Variants in NLRC3 observed in about 807,000 individuals in gnomAD.
NLRC3 encodes the protein NLR family CARD domain-containing protein 3.
In NLRC3, 87 loss-of-function variants were observed where a neutral mutation model predicts 91.6. The ratio of observed to expected loss-of-function variants is 0.95; its 90% CI spans 0.80 to 1.14. The LOEUF (loss-of-function observed/expected upper bound fraction) is 1.14, where lower values mean the gene tolerates loss of function less well. Among genes scored for constraint, NLRC3 ranks in the 50% most tolerant of loss-of-function variants. The pLI is 0.00. For synonymous variants in NLRC3, 694 were observed against 625.3 expected, an observed-to-expected ratio of 1.11 and a Z score of -1.64; for missense variants, 1,577 against 1,418.6, an observed-to-expected ratio of 1.11 and a Z score of -1.79.
Position 3,563,006 on chromosome 16 carries a change from C to T in NLRC3, c.1928+3G>A, listed in dbSNP as rs1350520124. ...AGCCCCTGCCCCCTGCCCTGGTATC[C>T]ACCTGAGCTTCCGGCAGTAGAGCAG... On this transcript the variant is annotated splice_donor_region_variant and intron_variant, in intron 5 of 19. Coordinates refer to ENST00000359128, the MANE Select transcript of NLRC3 (RefSeq NM_178844.4). 1.9e-6 allele frequency: 3 copies of T among 1,550,646 alleles called. No individual in the cohort carries two copies. Among genetic ancestry groups the T allele is most frequent in the African/African-American group, 2.7e-5 (2 of 73,172 alleles).
chr16:3,561,126 C>T (rs1186620048), intron 6 of NLRC3, among the ~76,000 whole-genome samples: 9 of 151,846 alleles, frequency 5.9e-5, no homozygotes, highest in South Asian at 2.1e-4. Context: ...CCAAGGCTGG[C>T]GGATCACAAG....
At chr16:3,562,457 A>G (rs944304361) in intron 5 of NLRC3, among the ~76,000 whole-genome samples, 3 of 152,150 alleles carry the variant, frequency 2.0e-5, no homozygotes, top group Non-Finnish European at 2.9e-5. Flanking sequence ...CCTGGCCAAC[A>G]TGGTGAAACC....
At chr16:3,550,853 G>A (rs577227089) in intron 10 of NLRC3, among the ~76,000 whole-genome samples, 1 of 152,122 alleles carries the variant, frequency 6.6e-6, no homozygotes, top group Non-Finnish European at 1.5e-5. Flanking sequence ...ACCCAGTCCT[G>A]GGAATCTGAG....
At chr16:3,544,979 C>G (rs1052635295) in intron 15 of NLRC3, 5 of 152,590 alleles carry the variant, frequency 3.3e-5, no homozygotes, top group African/African-American at 4.8e-5. Context: ...CAGGCAGGAG[C>G]CACCACGCCC....
chr16:3,551,756 A>ATTCATCG (rs1273933085), intron 10 of NLRC3, among the ~76,000 whole-genome samples: 1 of 29,108 alleles, frequency 3.4e-5, no homozygotes, highest in East Asian at 1.5e-3. Flanking sequence ...TCCATTCACC[A>ATTCATCG]GTCCTCTCAC....
intron 5 of NLRC3, among the ~76,000 whole-genome samples, chr16:3,562,406 T>C (rs1022689535): frequency 1.3e-5 from 2 of 151,988 alleles, no homozygotes; most frequent in Admixed American, 6.6e-5. Flanking sequence ...TTTGGGAGGC[T>C]GGGGTGGGCG....
intron 1 of NLRC3, among the ~76,000 whole-genome samples, chr16:3,569,430 G>A (rs1434133417): frequency 3.0e-5 from 3 of 98,794 alleles, no homozygotes; most frequent in African/African-American, 4.9e-5. Context: ...TTGAGGTGGA[G>A]TCTCGCACTG....
chr16:3,543,964 G>GCCAATATGGTGAAACC, intron 16 of NLRC3: 1 of 402,882 alleles, frequency 2.5e-6, no homozygotes, highest in Non-Finnish European at 4.6e-6. Flanking sequence ...GACCAGCCTG[G>GCCAATATGGTGAAACC]CCAATATGGT....
chr16:3,577,370 C>T lies in NLRC3; in HGVS notation c.-390G>A. On this transcript the variant is annotated 5_prime_UTR_variant, in exon 1 of 20. Transcript: ENST00000359128. Reference sequence around the variant, plus strand: ...GCAGTGCAGCCCCGACCTTCTGCAGCCCCACCGAGCCCACCGGCTGTCCCT... The same window carrying T: ...GCAGTGCAGCCCCGACCTTCTGCAGTCCCACCGAGCCCACCGGCTGTCCCT... 1.7e-6 allele frequency: 1 copy of T among 578,220 alleles called. No individual in the cohort carries two copies. The highest frequency in any genetic ancestry group is 2.1e-5 in the South Asian group (1 of 48,710). 35.8% of individuals were successfully genotyped at this position (578,220 alleles called of 1,614,324 possible).
chr16:3,559,137 C>T (rs1265740244), intron 6 of NLRC3, among the ~76,000 whole-genome samples: 1 of 152,142 alleles, frequency 6.6e-6, no homozygotes, highest in Non-Finnish European at 1.5e-5. Flanking sequence ...CTCTAAATTC[C>T]TTTTCAGAGA....
intron 13 of NLRC3, 68 bp from the exon 14 acceptor site, chr16:3,548,821 AG>A (rs1406859611): frequency 8.3e-6 from 9 of 1,087,204 alleles, no homozygotes; most frequent in South Asian, 1.5e-5. Flanking sequence ...CTTGGTCACC[AG>A]GGATTCCAGG....
Position 3,563,113 on chromosome 16 carries a change from C to A in NLRC3, c.1824G>T (p.Leu608=). The change falls in exon 5 of 20, where the codon CTG becomes CTT. Residue 608 remains leucine, a synonymous_variant. Coordinates refer to ENST00000359128, the MANE Select transcript of NLRC3 (RefSeq NM_178844.4). ...CCTGGGCACAGGCGTCGGACACCTG[C>A]AGGAGGTAGGCCAGGGCAGCGCGGT... The part of the protein sequence containing the change: ...PAHRAALAYL[L]QVSDACAQEA... 6.3e-7 allele frequency: 1 copy of A among 1,579,560 alleles called. No homozygotes were observed. The highest frequency in any genetic ancestry group is 8.6e-7 in the Non-Finnish European group (1 of 1,163,642).
chr16:3,573,207 C>T (rs1056819878), intron 1 of NLRC3, among the ~76,000 whole-genome samples: 7 of 151,014 alleles, frequency 4.6e-5, no homozygotes, highest in African/African-American at 1.2e-4. Flanking sequence ...TGCTTGAGCC[C>T]GGGAGTTTGA....
rs1019813093 is a variant in NLRC3, at chr16:3,548,174, C to T, written c.2732G>A (p.Gly911Glu). 1.8e-5 allele frequency: 29 copies of T among 1,596,032 alleles called. No homozygotes were observed. In the African/African-American group the frequency reaches 3.1e-4, roughly 17 times the overall value. ...GCTCCTGTTGAGCTGTAGTGCTTGT[C>T]CCAGGGCCTGGGCAGCGCCGGCCTG... is the stretch of plus-strand genomic sequence containing the variant. ...FIQAGAAQALGQALQLNRSLT... is the reference protein window; with the variant it reads ...FIQAGAAQALEQALQLNRSLT... The change falls in exon 15 of 20, where the codon GGA (glycine) becomes GAA (glutamate). Residue 911 changes from glycine (G) to glutamate (E), a missense_variant. Coordinates refer to ENST00000359128, the MANE Select transcript of NLRC3 (RefSeq NM_178844.4).
intron 6 of NLRC3, among the ~76,000 whole-genome samples, chr16:3,558,054 A>G (rs774467290): frequency 2.0e-4 from 30 of 152,142 alleles, no homozygotes; most frequent in Non-Finnish European, 3.4e-4. Flanking sequence ...AATTTCAAAA[A>G]CTGGGCTGTG....
chr16:3,560,282 G>A (rs2039545153), intron 6 of NLRC3, among the ~76,000 whole-genome samples: 1 of 152,076 alleles, frequency 6.6e-6, no homozygotes, highest in Admixed American at 6.6e-5. Flanking sequence ...AATTAGCTGG[G>A]TGTGGTGGCA....
intron 1 of NLRC3, among the ~76,000 whole-genome samples, chr16:3,574,090 T>C (rs1410443333): frequency 7.2e-6 from 1 of 139,068 alleles, no homozygotes; most frequent in African/African-American, 2.6e-5. Flanking sequence ...TGGCACTATC[T>C]CGTCTCACTG....
At position 3,540,029 on chromosome 16, in the gene NLRC3, G is replaced by A. The variant is rs940605255; in HGVS notation, c.*1796C>T. ...TTTTTGACAAGAATACATCAGAGAC[G>A]ACTCCGTGGTGCATCAGACTGGGGG... On this transcript the variant is annotated 3_prime_UTR_variant, in exon 20 of 20. Transcript: ENST00000359128. 9.2e-5 allele frequency: 14 copies of A among 152,204 alleles called. No individual in the cohort carries two copies. The highest frequency in any genetic ancestry group is 3.1e-4 in the African/African-American group (13 of 41,462). The allele number at this position is 152,204 out of a possible 1,614,324, so 9.4% of individuals were successfully genotyped here.
intron 10 of NLRC3, among the ~76,000 whole-genome samples, chr16:3,550,708 C>T (rs941874357): frequency 9.2e-5 from 14 of 152,172 alleles, no homozygotes; most frequent in African/African-American, 2.4e-4. Flanking sequence ...AGCAAAGTCC[C>T]TCTTGACTCC....
Sources: allele counts gnomAD v4.1 joint callset (sites outside exome capture counted in the v4.1 genomes callset), GRCh38; gene constraint gnomAD v4.1.1; transcripts MANE v1.5; gene names NCBI Gene and HGNC (gene_info 2026-07-23, HGNC 2026-07-21).